Variants in TLN2 observed in about 807,000 individuals in gnomAD.
TLN2 encodes the protein talin 2.
TLN2 carries 118 observed loss-of-function variants against 294.7 expected under a neutral mutation model. That is an observed-to-expected ratio of 0.40 (90% confidence interval 0.34 to 0.47). The LOEUF (loss-of-function observed/expected upper bound fraction) is 0.47. Among genes scored for constraint, TLN2 ranks in the 20% least tolerant of loss-of-function variants. TLN2 has a pLI of 0.84. For missense variants in TLN2, 3,083 were observed against 3,282.2 expected (o/e 0.94, Z 1.48); for synonymous variants, 1,431 against 1,304.5 (o/e 1.10, Z -2.09).
chr15:62,483,695 C>T lies in TLN2; in HGVS notation c.-238+93010C>T, dbSNP rs79423888. 9.8e-3 allele frequency among the ~76,000 whole-genome samples: 1,488 copies of T among 152,252 alleles called. 28 individuals carry two copies. Among genetic ancestry groups the T allele is most frequent in the African/African-American group, 0.034 (1,424 of 41,530 alleles). Reference sequence around the variant, plus strand: ...CAAGTAGGCTCCACTCTAAAACGTACCATCTTGATAAAAGCTATGAGTCTT... The same window carrying T: ...CAAGTAGGCTCCACTCTAAAACGTATCATCTTGATAAAAGCTATGAGTCTT... On this transcript the variant is annotated intron_variant, in intron 1 of 58. Coordinates refer to ENST00000636159, the MANE Select transcript of TLN2 (RefSeq NM_015059.3).
At chr15:62,410,115 G>A (rs770249992) in intron 1 of TLN2, among the ~76,000 whole-genome samples, 20 of 152,036 alleles carry the variant, frequency 1.3e-4, no homozygotes, top group East Asian at 1.9e-4. Flanking sequence ...GGTGGTGTGC[G>A]CCTGTAATCC....
chr15:62,740,468 T>C (rs2061264681), intron 31 of TLN2, 162 bp from the exon 32 acceptor site: 2 of 804,754 alleles, frequency 2.5e-6, no homozygotes, highest in Admixed American at 2.3e-5. Context: ...GGGTAGACAC[T>C]GGTCAGTGTC....
At chr15:62,652,773 CACT>C (rs750009139) in intron 6 of TLN2, among the ~76,000 whole-genome samples, 70 of 152,082 alleles carry the variant, frequency 4.6e-4, no homozygotes, top group Admixed American at 9.2e-4. Context: ...GGTACGATTT[CACT>C]ACTACATTTT....
At chr15:62,834,338 C>T (rs766717838) in intron 55 of TLN2, 1 of 152,118 alleles carries the variant, frequency 6.6e-6, no homozygotes, top group Non-Finnish European at 1.5e-5. Context: ...AATGGAGAGG[C>T]GCCACAGAAA....
Position 62,786,924 on chromosome 15 carries a change from G to A in TLN2, c.5736+3034G>A, listed in dbSNP as rs111325666. Among the ~76,000 whole-genome samples, 1,147 of 152,146 alleles carry A rather than the reference G, an allele frequency of 7.5e-3. 8 individuals carry two copies. Among genetic ancestry groups the A allele is most frequent in the Middle Eastern group, 0.017 (5 of 294 alleles). On this transcript the variant is annotated intron_variant, in intron 45 of 58. Coordinates refer to ENST00000636159, the MANE Select transcript of TLN2 (RefSeq NM_015059.3). ...ATTACCATTATTATTATTTTGAGCC[G>A]GGGTCTCACTCTGTTGCCCAGGCTG...
intron 41 of TLN2, among the ~76,000 whole-genome samples, chr15:62,767,427 C>T (rs559706376): frequency 2.6e-5 from 4 of 151,930 alleles, no homozygotes; most frequent in East Asian, 3.9e-4. Context: ...CCACAACCTC[C>T]GCCTCCCGGG....
chr15:62,539,296 T>C (rs1004370126), intron 1 of TLN2, among the ~76,000 whole-genome samples: 3 of 152,126 alleles, frequency 2.0e-5, no homozygotes, highest in Non-Finnish European at 2.9e-5. Context: ...CAGTAAATCA[T>C]GTGTGTGCCA....
rs1300539566 is a variant in TLN2, at chr15:62,844,120, T to C, written c.*3510T>C. ...TCCCCAGAGTTCAGAAAGCAAAAGATCTTGACAACTGTGCCAGTAGTGGCT... is the reference window on the plus strand; with the variant it reads ...TCCCCAGAGTTCAGAAAGCAAAAGACCTTGACAACTGTGCCAGTAGTGGCT... On this transcript the variant is annotated 3_prime_UTR_variant, in exon 59 of 59. Transcript: ENST00000636159. 1 of 152,160 alleles carries C rather than the reference T, an allele frequency of 6.6e-6. No homozygotes were observed. Among genetic ancestry groups the C allele is most frequent in the Non-Finnish European group, 1.5e-5 (1 of 68,098 alleles). The allele number at this position is 152,160 out of a possible 1,614,324, so 9.4% of individuals were successfully genotyped here.
chr15:62,513,354 C>A (rs1326949536), intron 1 of TLN2, among the ~76,000 whole-genome samples: 1 of 152,236 alleles, frequency 6.6e-6, no homozygotes, highest in African/African-American at 2.4e-5. Context: ...TCCCTCCCAA[C>A]ACCTGCCTGC....
At chr15:62,821,390 A>T (rs2067552645) in intron 54 of TLN2, among the ~76,000 whole-genome samples, 1 of 152,184 alleles carries the variant, frequency 6.6e-6, no homozygotes, top group Non-Finnish European at 1.5e-5. Context: ...ATTTCCAAGG[A>T]CCCAGATATA....
intron 2 of TLN2, among the ~76,000 whole-genome samples, chr15:62,614,183 G>T (rs1376289831): frequency 6.6e-6 from 1 of 152,114 alleles, no homozygotes; most frequent in Non-Finnish European, 1.5e-5. Context: ...AAACCAATAG[G>T]TTTTGCTGTG....
chr15:62,721,966 A>C (rs2060176424), intron 25 of TLN2, among the ~76,000 whole-genome samples: 1 of 152,134 alleles, frequency 6.6e-6, no homozygotes, highest in South Asian at 2.1e-4. Context: ...TGTTTTATTT[A>C]TCTGTCTTCA....
intron 12 of TLN2, among the ~76,000 whole-genome samples, chr15:62,689,971 CGACCCCCCCACCTCCCTCCCGGACG>C (rs1567359731): frequency 1.4e-4 from 1 of 7,274 alleles, no homozygotes; most frequent in Admixed American, 2.6e-3. Flanking sequence ...GGCGGCTGGC[CGACCCCCCCACCTCCCTCCCGGACG>C]GGGCGGCTGG....
chr15:62,565,254 C>A (rs1037470132), intron 1 of TLN2, among the ~76,000 whole-genome samples: 1 of 152,100 alleles, frequency 6.6e-6, no homozygotes, highest in Non-Finnish European at 1.5e-5. Flanking sequence ...TTACGATATT[C>A]TTTTGGTACA....
At chr15:62,650,743 T>C (rs1375215091) in intron 5 of TLN2, among the ~76,000 whole-genome samples, 1 of 152,184 alleles carries the variant, frequency 6.6e-6, no homozygotes, top group Non-Finnish European at 1.5e-5. Flanking sequence ...GTATGTAGGG[T>C]GAAGTGCACC....
At chr15:62,783,380 G>A (rs1473413545) in intron 44 of TLN2, among the ~76,000 whole-genome samples, 1 of 152,224 alleles carries the variant, frequency 6.6e-6, no homozygotes, top group African/African-American at 2.4e-5. Flanking sequence ...GCCTCCTGGG[G>A]GTTTCTAGGG....
Position 62,766,316 on chromosome 15 carries a change from A to T in TLN2, c.5095-5A>T, listed in dbSNP as rs1223811453. ...GGATGAACTTGACACTTCTCTCCTT[A>T]TCAGGCCCTGCAGGAGCAGCTGACT... On this transcript the variant is annotated splice_polypyrimidine_tract_variant and splice_region_variant and intron_variant, in intron 40 of 58. Coordinates refer to ENST00000636159, the MANE Select transcript of TLN2 (RefSeq NM_015059.3). 6.2e-7 allele frequency: 1 copy of T among 1,609,958 alleles called. No individual in the cohort carries two copies.
rs1011144695 is a variant in TLN2, at chr15:62,844,166, TG to T, written c.*3557del. 17 of 152,272 alleles carry T rather than the reference TG, an allele frequency of 1.1e-4. No homozygotes were observed. Among genetic ancestry groups the T allele is most frequent in the African/African-American group, 4.1e-4 (17 of 41,542 alleles). 9.4% of individuals were successfully genotyped at this position (152,272 alleles called of 1,614,324 possible). ...TGGCTCTGGTCCTATCTCTCCACAG[TG>T]CTGGCCTCTGCTGGGGAAGGCATCT... On this transcript the variant is annotated 3_prime_UTR_variant, in exon 59 of 59. Transcript: ENST00000636159.
In TLN2 at chr15:62,647,513, A is replaced by G. The variant is rs148535228; in HGVS notation, c.136+67A>G. ...CATGTTTTTCACTTTTTTGCTAAAG[A>G]GACAGAGGCTCCAAGTGGTACACAA... On this transcript the variant is annotated intron_variant, in intron 4 of 58. Transcript: ENST00000636159. 2.2e-4 allele frequency: 350 copies of G among 1,605,822 alleles called. 5 individuals are homozygous for G. The East Asian group carries it at 7.7e-3, about 35-fold the overall frequency.
Sources: gnomAD v4.1 joint callset for allele counts (sites outside exome capture counted in the v4.1 genomes callset) on GRCh38, gnomAD v4.1.1 for gene constraint, MANE v1.5 for transcripts, NCBI Gene and HGNC (gene_info 2026-07-23, HGNC 2026-07-21) for gene names.